XKRX: variants seen among roughly 807,000 people sequenced by gnomAD.
XKRX encodes XK-related protein 2.
In XKRX, 11 loss-of-function variants were observed where a neutral mutation model predicts 22.4. The ratio of observed to expected loss-of-function variants is 0.49; its 90% CI spans 0.31 to 0.81. XKRX has a LOEUF of 0.81. XKRX is among the 40% of genes least tolerant of loss of function. The pLI, the probability that XKRX is intolerant of heterozygous loss-of-function variation, is 0.05. For missense variants in XKRX, 320 were observed against 336.5 expected (o/e 0.95, Z 0.38); for synonymous variants, 114 against 132.2 (o/e 0.86, Z 0.94).
At chrX:100,931,421 G>A (rs2085521745), upstream of XKRX, among the ~76,000 whole-genome samples, 1 of 110,622 alleles carries the variant, frequency 9.0e-6, no homozygotes, top group African/African-American at 3.3e-5. Context: ...TCTCCTATTT[G>A]CGTTGCTCAC....
rs1186382503 is a variant in XKRX, at chrX:100,928,851, T to TATCCTAGCTATTGCTAGGC, written c.-566_-548dup. 1.3e-6 allele frequency: 1 copy of TATCCTAGCTATTGCTAGGC among 752,674 alleles called. No homozygotes were observed. The highest frequency in any genetic ancestry group is 1.6e-6 in the Non-Finnish European group (1 of 639,254). 62.0% of individuals were successfully genotyped at this position (752,674 alleles called of 1,213,427 possible). On this transcript the variant is annotated 5_prime_UTR_variant, in exon 1 of 3. The change creates a new upstream start codon in the 5' untranslated region. Transcript: ENST00000372956. ...GAGGGGATTCAGTTCAGTGCCTAGG[T>TATCCTAGCTATTGCTAGGC]ATCCTAGCTATTGCTAGGCTGTAGC... is the stretch of plus-strand genomic sequence containing the variant.
chrX:100,909,680 G>C (rs2085399902), downstream of XKRX, among the ~76,000 whole-genome samples: 1 of 111,609 alleles, frequency 9.0e-6, no homozygotes, highest in East Asian at 2.8e-4. Flanking sequence ...AAGGCAAGTG[G>C]ATCACCTGAG....
rs2085419166 is a variant in XKRX, at chrX:100,914,175, A to T, written c.*163T>A. 3.3e-6 allele frequency: 2 copies of T among 605,341 alleles called. No individual in the cohort carries two copies. Among genetic ancestry groups the T allele is most frequent in the Non-Finnish European group, 5.2e-6 (2 of 386,742 alleles). 49.9% of individuals were successfully genotyped at this position (605,341 alleles called of 1,213,427 possible). A position where few individuals can be genotyped will look rare whatever the true frequency, so the allele number is the denominator to read the frequency against. Reference sequence around the variant, plus strand: ...CCAAACATAGTGGTAACTCTTAAGAAAATAAAACCTATTTGGGAGTTGCTC... The same window carrying T: ...CCAAACATAGTGGTAACTCTTAAGATAATAAAACCTATTTGGGAGTTGCTC... On this transcript the variant is annotated 3_prime_UTR_variant, in exon 3 of 3. Coordinates refer to ENST00000372956, the MANE Select transcript of XKRX (RefSeq NM_212559.3).
At chrX:100,892,446 G>A in the XKRX span, among the ~76,000 whole-genome samples, 1 of 110,892 alleles carries the variant, frequency 9.0e-6, no homozygotes, top group African/African-American at 3.3e-5. Flanking sequence ...TACCTACTAT[G>A]TACCCATGAA....
At chrX:100,889,608 C>A in the XKRX span, among the ~76,000 whole-genome samples, 1 of 110,616 alleles carries the variant, frequency 9.0e-6, no homozygotes, top group African/African-American at 3.3e-5. Context: ...AGGTAGAGAT[C>A]AGGGTGATGC....
At chrX:100,888,161 T>G in the XKRX span, 17 of 1,155,432 alleles carry the variant, frequency 1.5e-5, no homozygotes, top group Non-Finnish European at 2.0e-5. Flanking sequence ...CAAAGCCCCT[T>G]TTCTTGCCAC....
the XKRX span, among the ~76,000 whole-genome samples, chrX:100,941,794 T>G: frequency 3.6e-5 from 4 of 111,921 alleles, no homozygotes; most frequent in Admixed American, 3.8e-4. Flanking sequence ...GAACAAAAAG[T>G]GATGGAATTT....
intron 2 of XKRX, among the ~76,000 whole-genome samples, chrX:100,917,746 GAACTTTTGGAAGTCACTGAA>G (rs2085452529): frequency 9.9e-6 from 1 of 101,371 alleles, no homozygotes; most frequent in African/African-American, 3.6e-5. Context: ...AGCTGTATGG[GAACTTTTGGAAGTCACTGAA>G]TATCTATGTA....
the XKRX span, among the ~76,000 whole-genome samples, chrX:100,950,102 A>G: frequency 8.9e-6 from 1 of 112,060 alleles, no homozygotes; most frequent in South Asian, 3.7e-4. Flanking sequence ...AAAAGAAATG[A>G]ACAGAGCCTC....
chrX:100,935,825 T>C, the XKRX span, among the ~76,000 whole-genome samples: 5 of 112,448 alleles, frequency 4.4e-5, no homozygotes, highest in Admixed American at 9.4e-5. Context: ...TATCTGCTCC[T>C]TGGAGAATCT....
At chrX:100,901,382 C>G in the XKRX span, among the ~76,000 whole-genome samples, 1 of 111,353 alleles carries the variant, frequency 9.0e-6, no homozygotes, top group South Asian at 3.8e-4. Flanking sequence ...GAAAAAAAGT[C>G]TTTGAACAAA....
chrX:100,929,531 A>G (rs1381842825), upstream of XKRX: 1 of 111,253 alleles, frequency 9.0e-6, no homozygotes, highest in African/African-American at 3.3e-5. Flanking sequence ...GCTGTTAGGC[A>G]GGTGTGTCTC....
downstream of XKRX, chrX:100,911,302 T>A (rs1031242134): frequency 6.7e-6 from 7 of 1,045,585 alleles, no homozygotes; most frequent in African/African-American, 3.7e-5. Flanking sequence ...CAATACTTGG[T>A]GTAAAGAAGA....
At chrX:100,952,361 G>T in the XKRX span, among the ~76,000 whole-genome samples, 25 of 109,271 alleles carry the variant, frequency 2.3e-4, no homozygotes, top group Admixed American at 2.4e-3. Context: ...TTAAGGTTAG[G>T]GGTGGCAGTG....
At chrX:100,901,750 A>G in the XKRX span, among the ~76,000 whole-genome samples, 1 of 111,914 alleles carries the variant, frequency 8.9e-6, no homozygotes, top group Non-Finnish European at 1.9e-5. Flanking sequence ...CTGTAATTCC[A>G]ATGCTTTGGG....
At chrX:100,898,058 G>GTTCTGTCC in the XKRX span, among the ~76,000 whole-genome samples, 165 of 111,838 alleles carry the variant, frequency 1.5e-3, no homozygotes, top group East Asian at 0.016. Context: ...TAATTCCAGG[G>GTTCTGTCC]TTCTGTCCTC....
At chrX:100,944,768 C>A in the XKRX span, among the ~76,000 whole-genome samples, 1 of 112,078 alleles carries the variant, frequency 8.9e-6, no homozygotes, top group Non-Finnish European at 1.9e-5. Flanking sequence ...TGAACTCCAA[C>A]CACAAAAAAT....
At chrX:100,895,322 T>C in the XKRX span, among the ~76,000 whole-genome samples, 1 of 112,622 alleles carries the variant, frequency 8.9e-6, no homozygotes, top group Admixed American at 9.4e-5. Context: ...ATATTATTAA[T>C]GGTAAAATTC....
chrX:100,902,054 A>C, the XKRX span, among the ~76,000 whole-genome samples: 6 of 111,265 alleles, frequency 5.4e-5, no homozygotes, highest in East Asian at 8.4e-4. Context: ...AACACATTTA[A>C]AAGAATAGAA....
Sources: gnomAD v4.1 joint callset for allele counts (sites outside exome capture counted in the v4.1 genomes callset) on GRCh38, gnomAD v4.1.1 for gene constraint, MANE v1.5 for transcripts, NCBI Gene and HGNC (gene_info 2026-07-23, HGNC 2026-07-21) for gene names.